The following USP34 variants were observed in gnomAD, a reference collection of about 807,000 sequenced individuals.
USP34 encodes the protein ubiquitin specific peptidase 34, also known as ubiquitin carboxyl-terminal hydrolase 34.
A neutral mutation model predicts 460.3 loss-of-function variants in USP34; 70 were observed. The observed-to-expected ratio is 0.15, with a 90% CI of 0.13 to 0.19. The LOEUF (loss-of-function observed/expected upper bound fraction) is 0.19, where lower values mean the gene tolerates loss of function less well. Ranked by LOEUF, USP34 falls within the 10% of genes least tolerant of loss-of-function variation. The probability of loss-of-function intolerance (pLI) is 1.00; values close to 1 mark genes in which losing one functional copy is unlikely to be tolerated. For missense variants in USP34, 3,985 were observed against 4,236.2 expected (o/e 0.94, Z 1.65); for synonymous variants, 1,647 against 1,405.3 (o/e 1.17, Z -3.85).
In USP34 at chr2:61,189,207, G is replaced by T. The variant is rs113196596; in HGVS notation, c.9874-138C>A. The T allele has an allele frequency of 6.9e-4, 618 of 894,232 alleles. 5 individuals are homozygous for T. In the African/African-American group the frequency reaches 9.7e-3, roughly 14 times the overall value. The allele number at this position is 894,232 out of a possible 1,614,324, so 55.4% of individuals were successfully genotyped here. A position where few individuals can be genotyped will look rare whatever the true frequency, so the allele number is the denominator to read the frequency against. On this transcript the variant is annotated intron_variant, in intron 78 of 79. Transcript: ENST00000398571. ...TACCCTGGTTTCTCTGGGATTCTTAGAATGATAAAACCAGAAAGCCAGTGT... is the reference window on the plus strand; with the variant it reads ...TACCCTGGTTTCTCTGGGATTCTTATAATGATAAAACCAGAAAGCCAGTGT...
At chr2:61,229,925 G>C (rs559815571) in intron 58 of USP34, among the ~76,000 whole-genome samples, 2 of 152,216 alleles carry the variant, frequency 1.3e-5, no homozygotes, top group East Asian at 3.9e-4. Flanking sequence ...TGGAGATACA[G>C]AGAAAAGAAA....
intron 71 of USP34, 40 bp downstream of exon 71, chr2:61,206,720 A>C: frequency 6.2e-7 from 1 of 1,604,962 alleles, no homozygotes; most frequent in Non-Finnish European, 8.5e-7. Flanking sequence ...TCTCTTTACT[A>C]GTAGCACGAA....
At chr2:61,345,079 C>G (rs1245939708) in intron 15 of USP34, among the ~76,000 whole-genome samples, 1 of 152,130 alleles carries the variant, frequency 6.6e-6, no homozygotes. Context: ...TCAAGACCAG[C>G]CTGGCCAACA....
At chr2:61,226,042 T>C (rs1477184327) in intron 62 of USP34, among the ~76,000 whole-genome samples, 2 of 152,194 alleles carry the variant, frequency 1.3e-5, no homozygotes, top group African/African-American at 4.8e-5. Context: ...AGTAGCATAC[T>C]GCAGACTCAA....
At chr2:61,447,169 C>G (rs1207606993) in intron 1 of USP34, among the ~76,000 whole-genome samples, 1 of 133,160 alleles carries the variant, frequency 7.5e-6, no homozygotes, top group Non-Finnish European at 1.5e-5. Context: ...GCACCCGAAT[C>G]ATTTGAACCC....
At chr2:61,395,371 C>G (rs1173449863) in intron 3 of USP34, 138 bp from the exon 4 acceptor site, 2 of 623,048 alleles carry the variant, frequency 3.2e-6, no homozygotes, top group Non-Finnish European at 5.7e-6. Context: ...CAGTGATACT[C>G]CTAACTGAAG....
intron 33 of USP34, among the ~76,000 whole-genome samples, chr2:61,291,218 A>C (rs142790065): frequency 5.3e-5 from 8 of 152,276 alleles, no homozygotes; most frequent in African/African-American, 1.9e-4. Context: ...CTCATTAGTC[A>C]CCAAGGAAAT....
chr2:61,375,163 A>C, intron 8 of USP34, among the ~76,000 whole-genome samples: 1 of 152,216 alleles, frequency 6.6e-6, no homozygotes, highest in East Asian at 1.9e-4. Flanking sequence ...TACATCATTA[A>C]TAATTAGGGA....
At chr2:61,366,608 G>A (rs925955587) in intron 10 of USP34, among the ~76,000 whole-genome samples, 1 of 152,114 alleles carries the variant, frequency 6.6e-6, no homozygotes, top group Admixed American at 6.5e-5. Context: ...AGCTTGATGA[G>A]ACAAATGAGA....
At chr2:61,274,396 A>G (rs1689311079) in intron 41 of USP34, among the ~76,000 whole-genome samples, 1 of 152,032 alleles carries the variant, frequency 6.6e-6, no homozygotes, top group South Asian at 2.1e-4. Context: ...TCTCAAATAA[A>G]TAAATAAATA....
chr2:61,271,150 A>G (rs1437704968), intron 41 of USP34, among the ~76,000 whole-genome samples: 1 of 152,022 alleles, frequency 6.6e-6, no homozygotes, highest in African/African-American at 2.4e-5. Context: ...AACAACAAAA[A>G]TTTAGCTGGG....
chr2:61,295,850 G>A (rs1690010240), intron 30 of USP34, among the ~76,000 whole-genome samples: 1 of 152,158 alleles, frequency 6.6e-6, no homozygotes, highest in Non-Finnish European at 1.5e-5. Flanking sequence ...AAAATCACAT[G>A]ATAATGTTCC....
At chr2:61,235,787 G>C (rs75803865) in intron 57 of USP34, 58 bp downstream of exon 57, 5 of 1,518,900 alleles carry the variant, frequency 3.3e-6, no homozygotes, top group African/African-American at 1.5e-5. Flanking sequence ...TTAGATCAGA[G>C]GGGGGGAAAA....
intron 1 of USP34, among the ~76,000 whole-genome samples, chr2:61,456,663 A>G (rs575595393): frequency 6.6e-6 from 1 of 151,900 alleles, no homozygotes; most frequent in South Asian, 2.1e-4. Context: ...CTAAAAATAA[A>G]AAAAAATGGC....
chr2:61,301,866 T>C (rs539627938), intron 27 of USP34, among the ~76,000 whole-genome samples: 6 of 152,218 alleles, frequency 3.9e-5, no homozygotes, highest in Admixed American at 3.3e-4. Flanking sequence ...CCATTAACCC[T>C]TTACTCTCCT....
chr2:61,280,407 C>T (rs1689498881), intron 38 of USP34, 59 bp from the exon 39 acceptor site: 2 of 838,076 alleles, frequency 2.4e-6, no homozygotes, highest in East Asian at 3.2e-5. Context: ...AATTATAATA[C>T]ATTTAAGAAA....
At chr2:61,460,561 A>AG (rs776020101) in intron 1 of USP34, among the ~76,000 whole-genome samples, 1 of 152,200 alleles carries the variant, frequency 6.6e-6, no homozygotes, top group Non-Finnish European at 1.5e-5. Context: ...AACAGTATAT[A>AG]GGGTACAGCA....
At chr2:61,364,127 G>T (rs181581335) in intron 10 of USP34, among the ~76,000 whole-genome samples, 1 of 152,176 alleles carries the variant, frequency 6.6e-6, no homozygotes, top group South Asian at 2.1e-4. Flanking sequence ...TAAAATCCCC[G>T]CACTTTGGGA....
At chr2:61,320,749 C>T (rs915029505) in intron 21 of USP34, among the ~76,000 whole-genome samples, 7 of 152,146 alleles carry the variant, frequency 4.6e-5, no homozygotes, top group African/African-American at 1.7e-4. Flanking sequence ...GTGGCTCACG[C>T]CTGTAATCCC....
Sources: gnomAD v4.1 joint callset for allele counts (sites outside exome capture counted in the v4.1 genomes callset) on GRCh38, gnomAD v4.1.1 for gene constraint, MANE v1.5 for transcripts, NCBI Gene and HGNC (gene_info 2026-07-23, HGNC 2026-07-21) for gene names.